Variants in TTC28 observed in about 807,000 individuals in gnomAD.
The protein encoded by TTC28 is tetratricopeptide repeat domain 28, also known as tetratricopeptide repeat protein 28.
A neutral mutation model predicts 198.0 loss-of-function variants in TTC28; 61 were observed. The ratio of observed to expected loss-of-function variants is 0.31; its 90% CI spans 0.25 to 0.38. The LOEUF is 0.38. Ranked by LOEUF, TTC28 falls within the 10% of genes least tolerant of loss-of-function variation. The pLI, the probability that TTC28 is intolerant of heterozygous loss-of-function variation, is 1.00. For synonymous variants in TTC28, 1,171 were observed against 1,297.8 expected (o/e 0.90, Z 2.10); for missense variants, 2,678 against 3,164.0 (o/e 0.85, Z 3.69).
chr22:28,648,857 C>T (rs1004467699), intron 1 of TTC28, among the ~76,000 whole-genome samples: 1 of 151,392 alleles, frequency 6.6e-6, no homozygotes, highest in African/African-American at 2.4e-5. Context: ...TGCAGTGAGC[C>T]GAGATCACGC....
intron 16 of TTC28, among the ~76,000 whole-genome samples, chr22:27,997,240 G>A (rs1484247480): frequency 1.3e-5 from 2 of 152,268 alleles, no homozygotes; most frequent in Non-Finnish European, 2.9e-5. Context: ...ACCAAGGGAC[G>A]GCCGTGAGGT....
intron 6 of TTC28, among the ~76,000 whole-genome samples, chr22:28,162,755 C>T (rs564260910): frequency 5.3e-5 from 8 of 152,226 alleles, no homozygotes; most frequent in Admixed American, 1.3e-4. Flanking sequence ...TCGAGACCAG[C>T]CTGGGCAACA....
At chr22:28,216,912 G>T (rs1441383666) in intron 5 of TTC28, among the ~76,000 whole-genome samples, 1 of 152,000 alleles carries the variant, frequency 6.6e-6, no homozygotes, top group African/African-American at 2.4e-5. Flanking sequence ...TAGAGACAGG[G>T]TCTTCCTGTG....
intron 2 of TTC28, among the ~76,000 whole-genome samples, chr22:28,405,074 C>T (rs988416276): frequency 6.6e-6 from 1 of 152,114 alleles, no homozygotes; most frequent in Admixed American, 6.6e-5. Context: ...GAAGAAGGCT[C>T]AATTTACTTG....
chr22:28,411,256 G>A (rs180999764), intron 2 of TTC28, among the ~76,000 whole-genome samples: 2 of 152,288 alleles, frequency 1.3e-5, no homozygotes, highest in South Asian at 4.1e-4. Context: ...CCAGCTTTCA[G>A]AGTGAATAAC....
At chr22:28,573,948 C>A (rs1427586302) in intron 2 of TTC28, among the ~76,000 whole-genome samples, 4 of 152,008 alleles carry the variant, frequency 2.6e-5, no homozygotes, top group Admixed American at 2.0e-4. Context: ...TGAGAAGATG[C>A]AAAGTGTGTC....
chr22:28,629,461 A>C (rs2051135004), intron 2 of TTC28, 91 bp downstream of exon 2: 1 of 1,258,082 alleles, frequency 7.9e-7, no homozygotes. Flanking sequence ...AATATTAGTA[A>C]GTACACTAAA....
intron 2 of TTC28, among the ~76,000 whole-genome samples, chr22:28,588,369 T>C (rs942178492): frequency 6.6e-6 from 1 of 152,170 alleles, no homozygotes; most frequent in Admixed American, 6.5e-5. Context: ...ATACTGGAAG[T>C]AGGGTTACTC....
chr22:28,464,462 A>G (rs1488571809), intron 2 of TTC28, among the ~76,000 whole-genome samples: 1 of 152,220 alleles, frequency 6.6e-6, no homozygotes, highest in African/African-American at 2.4e-5. Context: ...TATTTACTGT[A>G]TCAGTAGCTT....
intron 5 of TTC28, among the ~76,000 whole-genome samples, chr22:28,289,241 G>A (rs1281040096): frequency 1.3e-5 from 2 of 152,166 alleles, no homozygotes; most frequent in African/African-American, 4.8e-5. Flanking sequence ...TTGAAGGTAT[G>A]TATCCAGGAG....
At chr22:28,319,881 G>A (rs2045416467) in intron 2 of TTC28, among the ~76,000 whole-genome samples, 1 of 152,196 alleles carries the variant, frequency 6.6e-6, no homozygotes, top group South Asian at 2.1e-4. Flanking sequence ...CCATATCTCA[G>A]TGTATATCTA....
chr22:28,193,365 GA>G (rs1925057530), intron 5 of TTC28, among the ~76,000 whole-genome samples: 4 of 152,166 alleles, frequency 2.6e-5, no homozygotes, highest in Admixed American at 2.6e-4. Context: ...ATGCTAGGAA[GA>G]AACTGCATCA....
At chr22:28,168,995 A>G (rs1922346061) in intron 5 of TTC28, among the ~76,000 whole-genome samples, 1 of 152,226 alleles carries the variant, frequency 6.6e-6, no homozygotes, top group Admixed American at 6.5e-5. Flanking sequence ...AAACAATCCC[A>G]TCAAAAAGTG....
intron 2 of TTC28, among the ~76,000 whole-genome samples, chr22:28,600,784 C>T (rs142694357): frequency 6.6e-6 from 1 of 152,274 alleles, no homozygotes; most frequent in African/African-American, 2.4e-5. Flanking sequence ...AGGCAAATTG[C>T]ATTTTACTCA....
chr22:28,354,685 T>C (rs573951086), intron 2 of TTC28, among the ~76,000 whole-genome samples: 1 of 152,274 alleles, frequency 6.6e-6, no homozygotes, highest in Admixed American at 6.5e-5. Flanking sequence ...ATGTTATGCA[T>C]ATTTTACCAC....
chr22:28,094,392 C>T (rs1284297123), intron 11 of TTC28, 147 bp from the exon 12 acceptor site: 3 of 911,882 alleles, frequency 3.3e-6, no homozygotes, highest in African/African-American at 3.4e-5. Flanking sequence ...TCCTGAAATC[C>T]AAGGTCTCAA....
chr22:28,168,855 C>A (rs1020743465), intron 5 of TTC28, among the ~76,000 whole-genome samples: 1 of 152,058 alleles, frequency 6.6e-6, no homozygotes, highest in African/African-American at 2.4e-5. Context: ...TTCTGCACAG[C>A]AAAAGAAACT....
intron 2 of TTC28, among the ~76,000 whole-genome samples, chr22:28,381,276 TTC>T (rs1292898160): frequency 1.3e-5 from 2 of 152,162 alleles, no homozygotes. Context: ...CTCTCTAAGA[TTC>T]TCAACCAGTC....
intron 2 of TTC28, among the ~76,000 whole-genome samples, chr22:28,313,404 C>T (rs558930127): frequency 1.5e-4 from 23 of 152,074 alleles, no homozygotes; most frequent in African/African-American, 4.1e-4. Flanking sequence ...CAGAGACACA[C>T]ACAAAAAAAG....
Sources: gnomAD v4.1 joint callset for allele counts (sites outside exome capture counted in the v4.1 genomes callset) on GRCh38, gnomAD v4.1.1 for gene constraint, MANE v1.5 for transcripts, NCBI Gene and HGNC (gene_info 2026-07-23, HGNC 2026-07-21) for gene names.